Variants in CLCN5 observed in about 807,000 individuals in gnomAD.
The protein encoded by CLCN5 is H(+)/Cl(-) exchange transporter 5.
In CLCN5, 17 loss-of-function variants were observed where a neutral mutation model predicts 54.0. That is an observed-to-expected ratio of 0.31 (90% CI 0.22 to 0.47). The LOEUF is 0.47. CLCN5 is among the 20% of genes least tolerant of loss of function. CLCN5 has a pLI of 1.00. For missense variants in CLCN5, 448 were observed against 646.7 expected, an observed-to-expected ratio of 0.69 and a Z score of 3.33; for synonymous variants, 222 against 233.0, an observed-to-expected ratio of 0.95 and a Z score of 0.43.
intron 3 of CLCN5, among the ~76,000 whole-genome samples, chrX:50,040,867 CTT>C (rs1932190600): frequency 8.9e-6 from 1 of 111,847 alleles, no homozygotes; most frequent in Non-Finnish European, 1.9e-5. Flanking sequence ...AAGCTGGTCT[CTT>C]TATCACAAAT....
chrX:49,972,129 GTGTGTGTGT>G (rs1928251425), intron 3 of CLCN5, among the ~76,000 whole-genome samples: 5 of 93,724 alleles, frequency 5.3e-5, no homozygotes. Flanking sequence ...GTGTGTGTGT[GTGTGTGTGT>G]GTGTGTGTGT....
intron 3 of CLCN5, among the ~76,000 whole-genome samples, chrX:49,936,698 G>C (rs188216063): frequency 8.9e-6 from 1 of 112,156 alleles, no homozygotes; most frequent in Admixed American, 9.5e-5. Context: ...CATATAAGTT[G>C]GTAGAATCCA....
chrX:49,990,886 G>A (rs782227354), intron 3 of CLCN5, among the ~76,000 whole-genome samples: 10 of 112,413 alleles, frequency 8.9e-5, no homozygotes, highest in African/African-American at 2.9e-4. Flanking sequence ...CCATTATTTC[G>A]TTCCTTTTTA....
intron 4 of CLCN5, among the ~76,000 whole-genome samples, chrX:50,057,383 T>G (rs1254970258): frequency 1.1e-5 from 1 of 88,417 alleles, no homozygotes; most frequent in Non-Finnish European, 2.3e-5. Flanking sequence ...TGGTCCTGGA[T>G]AGATACTATC....
At chrX:50,080,511 C>A in intron 7 of CLCN5, 83 bp from the exon 8 acceptor site, 1 of 826,016 alleles carries the variant, frequency 1.2e-6, no homozygotes, top group Non-Finnish European at 1.7e-6. Flanking sequence ...ACTTTTTTTC[C>A]TGAAAAAACA....
At chrX:49,987,032 T>C (rs782507526) in intron 3 of CLCN5, among the ~76,000 whole-genome samples, 79 of 112,322 alleles carry the variant, frequency 7.0e-4, no homozygotes, top group African/African-American at 2.4e-3. Context: ...TAAGGAAAAA[T>C]GCATGGCATG....
chrX:50,068,738 A>G (rs901906543), intron 4 of CLCN5, among the ~76,000 whole-genome samples: 2 of 110,837 alleles, frequency 1.8e-5, no homozygotes, highest in Non-Finnish European at 3.8e-5. Context: ...CCTCCTCTGC[A>G]GAGGGATTCA....
intron 3 of CLCN5, among the ~76,000 whole-genome samples, chrX:50,031,741 T>C (rs1174828830): frequency 9.1e-6 from 1 of 109,993 alleles, no homozygotes; most frequent in Non-Finnish European, 1.9e-5. Context: ...TATTATACTT[T>C]AAGTTTTAGG....
chrX:50,003,552 A>G (rs781963908), intron 3 of CLCN5: 1 of 367,017 alleles, frequency 2.7e-6, no homozygotes, highest in African/African-American at 2.7e-5. Flanking sequence ...CTTTCTGAAA[A>G]CCCCTCCCAC....
At chrX:50,032,669 T>TTTC (rs2147458240) in intron 3 of CLCN5, among the ~76,000 whole-genome samples, 1 of 109,410 alleles carries the variant, frequency 9.1e-6, no homozygotes, top group South Asian at 3.8e-4. Flanking sequence ...ATTTTGTAGG[T>TTTC]TGCCTGTTCA....
chrX:50,040,607 G>A (rs1557187017), intron 3 of CLCN5, among the ~76,000 whole-genome samples: 1 of 111,933 alleles, frequency 8.9e-6, no homozygotes, highest in East Asian at 2.8e-4. Flanking sequence ...TTCAATACAT[G>A]TATACTTTGT....
chrX:50,011,478 T>C (rs1930500379), intron 3 of CLCN5, among the ~76,000 whole-genome samples: 1 of 112,259 alleles, frequency 8.9e-6, no homozygotes, highest in Non-Finnish European at 1.9e-5. Context: ...ATGTGCAGGT[T>C]CTGCTCAAGT....
intron 4 of CLCN5, among the ~76,000 whole-genome samples, chrX:50,067,317 A>G (rs782783671): frequency 2.3e-4 from 25 of 111,056 alleles, no homozygotes; most frequent in Non-Finnish European, 4.2e-4. Context: ...TCTCCCTTTT[A>G]TACTTAGGAC....
chrX:50,042,923 C>T (rs782367402), intron 4 of CLCN5, among the ~76,000 whole-genome samples: 10 of 111,438 alleles, frequency 9.0e-5, no homozygotes, highest in Non-Finnish European at 1.7e-4. Flanking sequence ...ACCAGAGTGC[C>T]GGTACCATTT....
chrX:50,067,688 C>T, intron 4 of CLCN5: 19 of 753,940 alleles, frequency 2.5e-5, no homozygotes, highest in Non-Finnish European at 2.8e-5. Context: ...AGCTCCCCAA[C>T]CTGAATGACC....
intron 3 of CLCN5, among the ~76,000 whole-genome samples, chrX:49,956,624 A>G (rs1354298902): frequency 1.8e-5 from 2 of 111,720 alleles, no homozygotes; most frequent in African/African-American, 3.3e-5. Flanking sequence ...CCCACTTGCT[A>G]GCCTTTCAGA....
rs986856786 is a variant in CLCN5 at position 50,048,665 on chromosome X, G to A, written c.163+6203G>A. 2.7e-5 allele frequency among the ~76,000 whole-genome samples: 3 copies of A among 110,884 alleles called. No homozygotes were observed. The East Asian group carries it at 8.5e-4, about 31-fold the overall frequency. Reference sequence around the variant, plus strand: ...CCTATCATTGTGGGGTCTTTTTTGAGCATATCCTTATTTTTTGGCACTACA... The same window carrying A: ...CCTATCATTGTGGGGTCTTTTTTGAACATATCCTTATTTTTTGGCACTACA... On this transcript the variant is annotated intron_variant, in intron 4 of 14. Transcript: ENST00000376091.
chrX:50,051,221 A>G (rs1364224134), intron 4 of CLCN5, among the ~76,000 whole-genome samples: 8 of 112,081 alleles, frequency 7.1e-5, no homozygotes, highest in African/African-American at 2.6e-4. Context: ...CTTTGTTTAG[A>G]TTATCTTTTT....
At chrX:49,996,723 CA>C (rs1299350613) in intron 3 of CLCN5, among the ~76,000 whole-genome samples, 1 of 112,234 alleles carries the variant, frequency 8.9e-6, no homozygotes, top group Non-Finnish European at 1.9e-5. Context: ...AGAGGAACAA[CA>C]TTGGTGGGCC....
Sources: allele counts gnomAD v4.1 joint callset (sites outside exome capture counted in the v4.1 genomes callset), GRCh38; gene constraint gnomAD v4.1.1; transcripts MANE v1.5; gene names NCBI Gene and HGNC (gene_info 2026-07-23, HGNC 2026-07-21).